BRPF1: variants seen among roughly 807,000 people sequenced by gnomAD.
BRPF1 encodes the protein bromodomain and PHD finger containing 1.
Under a neutral mutation model 115.0 loss-of-function variants are expected in BRPF1, and 15 were observed. That is an observed-to-expected ratio of 0.13 (90% CI 0.09 to 0.20). The LOEUF (loss-of-function observed/expected upper bound fraction) is 0.20, where lower values mean the gene tolerates loss of function less well. Ranked by LOEUF, BRPF1 falls within the 10% of genes least tolerant of loss-of-function variation. The probability of loss-of-function intolerance (pLI) is 1.00; values close to 1 mark genes in which losing one functional copy is unlikely to be tolerated. For synonymous variants in BRPF1, 647 were observed against 619.8 expected, an observed-to-expected ratio of 1.04 and a Z score of -0.65; for missense variants, 1,118 against 1,638.3, an observed-to-expected ratio of 0.68 and a Z score of 5.48.
intron 6 of BRPF1, 36 bp from the exon 7 acceptor site, chr3:9,742,908 A>T: frequency 6.3e-7 from 1 of 1,594,322 alleles, no homozygotes; most frequent in Non-Finnish European, 8.6e-7. Context: ...TAAGGAGGAT[A>T]TCTCCACTTA....
Position 9,734,050 on chromosome 3 carries a change from G to A in BRPF1, c.-10-81G>A. 2.6e-6 allele frequency: 4 copies of A among 1,510,902 alleles called. No homozygotes were observed. The highest frequency in any genetic ancestry group is 3.5e-6 in the Non-Finnish European group (4 of 1,135,114). The allele number at this position is 1,510,902 out of a possible 1,614,324, so 93.6% of individuals were successfully genotyped here. On this transcript the variant is annotated intron_variant, in intron 1 of 13. Transcript: ENST00000383829. The surrounding 1 kb of genome is among the most constrained non-coding windows in gnomAD (Gnocchi z 5.7). Reference sequence around the variant, plus strand: ...ATCTGGTGACTCCAAGTGAGGGGGAGGGCTAGAAAGACTGGGGTCTCTGGT... The same window carrying A: ...ATCTGGTGACTCCAAGTGAGGGGGAAGGCTAGAAAGACTGGGGTCTCTGGT...
Position 9,741,281 on chromosome 3 carries a change from C to T in BRPF1, c.1723-27C>T, listed in dbSNP as rs1489469863. On this transcript the variant is annotated intron_variant, in intron 4 of 13. Coordinates refer to ENST00000383829, the MANE Select transcript of BRPF1 (RefSeq NM_001003694.2). ...ACCTTTCCTCTGGCTTTCTAATCAT[C>T]CTCTGATCTTCGTTTTGCCTCTACA... 10 of 1,543,006 alleles carry T rather than the reference C, an allele frequency of 6.5e-6. No individual in the cohort carries two copies. The East Asian group carries it at 1.1e-4, about 18-fold the overall frequency.
chr3:9,739,709 G>T lies in BRPF1; in HGVS notation c.1310G>T (p.Ser437Ile). Reference protein sequence around the residue: ...RETGANGTSFSVRKTAYCDIH... With the variant: ...RETGANGTSFIVRKTAYCDIH... ...ACAGGCGCCAACGGCACCTCTTTCA[G>T]TGTCCGCAAGACAGCCTACTGCGAC... The change falls in exon 3 of 14, where the codon AGT (serine) becomes ATT (isoleucine). Residue 437 changes from serine to isoleucine, a missense_variant. This residue lies in a region of BRPF1 where 87 missense variants were observed against 93.4 expected (regional missense o/e 0.93). Transcript: ENST00000383829. The T allele has an allele frequency of 6.2e-7, 1 of 1,613,636 alleles. No homozygotes were observed. The highest frequency in any genetic ancestry group is 8.5e-7 in the Non-Finnish European group (1 of 1,179,550).
At position 9,739,439 on chromosome 3, in the gene BRPF1, G is replaced by A. The variant is rs149733062; in HGVS notation, c.1040G>A (p.Arg347His). 20 of 1,613,994 alleles carry A rather than the reference G, an allele frequency of 1.2e-5. No homozygotes were observed. Among genetic ancestry groups the A allele is most frequent in the East Asian group, 1.1e-4 (5 of 44,892 alleles). Residue 347 changes from arginine to histidine, a missense_variant, in exon 3 of 14, where the codon CGC becomes CAC. Arg to His is a conservative substitution (Grantham distance 29, BLOSUM62 0). This residue lies in a region of BRPF1 where 64 missense variants were observed against 172.8 expected (regional missense o/e 0.37). Coordinates refer to ENST00000383829, the MANE Select transcript of BRPF1 (RefSeq NM_001003694.2). ...GCCTTCAAGCAGACAGATGACGGGC[G>A]CTGGGCCCATGTGGTGTGTGCCTTG... ...GGAFKQTDDGRWAHVVCALWI... is the reference protein window; with the variant it reads ...GGAFKQTDDGHWAHVVCALWI...
chr3:9,745,037 A>G lies in BRPF1; in HGVS notation c.2950A>G (p.Asn984Asp). ...DLPANGFSGGNQPVKKSFLVY... is the reference protein window; with the variant it reads ...DLPANGFSGGDQPVKKSFLVY... Reference sequence around the variant, plus strand: ...ACCAGCCAATGGCTTCAGCGGTGGAAACCAACCAGTGAAGAAGAGTTTCTT... The same window carrying G: ...ACCAGCCAATGGCTTCAGCGGTGGAGACCAACCAGTGAAGAAGAGTTTCTT... Residue 984 changes from asparagine to aspartate, a missense_variant, in exon 10 of 14, where the codon AAC becomes GAC. By Grantham distance (23) the Asn-to-Asp change is conservative. Around this residue, in one of 10 missense-constraint regions of BRPF1, gnomAD observed 15 missense variants for 43.7 expected, o/e 0.34. Coordinates refer to ENST00000383829, the MANE Select transcript of BRPF1 (RefSeq NM_001003694.2). The surrounding 1 kb of genome is among the most constrained non-coding windows in gnomAD (Gnocchi z 5.1). 2 of 1,614,230 alleles carry G rather than the reference A, an allele frequency of 1.2e-6. No individual in the cohort carries two copies. The highest frequency in any genetic ancestry group is 1.7e-6 in the Non-Finnish European group (2 of 1,180,028).
chr3:9,741,903 G>A, intron 5 of BRPF1, 122 bp from the exon 6 acceptor site: 1 of 1,131,722 alleles, frequency 8.8e-7, no homozygotes, highest in Non-Finnish European at 1.3e-6. Flanking sequence ...ACCTGTATGA[G>A]TACACCCAGC....
chr3:9,744,421 C>T lies in BRPF1; in HGVS notation c.2833C>T (p.Leu945=), dbSNP rs2077086851. 2 of 1,611,908 alleles carry T rather than the reference C, an allele frequency of 1.2e-6. No individual in the cohort carries two copies. The highest frequency in any genetic ancestry group is 2.2e-5 in the South Asian group (2 of 90,794). Residue 945 remains leucine (L), a synonymous_variant, in exon 9 of 14, where the codon CTG becomes TTG. Transcript: ENST00000383829. ...GPPQLPIMSS[L]RQRKRGRSPR... ...CCCCCAGCTCCCCATCATGAGTTCC[C>T]TGCGTCAGCGCAAGCGGGGTAGGAG...
chr3:9,739,371 C>T lies in BRPF1; in HGVS notation c.972C>T (p.Pro324=), dbSNP rs762593544. The change falls in exon 3 of 14, where the codon CCC becomes CCT. Residue 324 remains proline, a synonymous_variant. Transcript: ENST00000383829. Reference sequence around the variant, plus strand: ...TGTGCCGCCGTTGCCTGCAGTCACCCTCTCGTGCTGTGGATTGTGCCCTGT... The same window carrying T: ...TGTGCCGCCGTTGCCTGCAGTCACCTTCTCGTGCTGTGGATTGTGCCCTGT... ...QWLCRRCLQS[P]SRAVDCALCP... is the part of the protein sequence containing the mutation. 1.9e-6 allele frequency: 3 copies of T among 1,614,080 alleles called. No homozygotes were observed. Among genetic ancestry groups the T allele is most frequent in the Non-Finnish European group, 2.5e-6 (3 of 1,180,052 alleles).
rs1336255723 is a variant in BRPF1, at chr3:9,739,827, G to A, written c.1428G>A (p.Lys476=). 6.2e-6 allele frequency: 10 copies of A among 1,603,916 alleles called. No individual in the cohort carries two copies. In the East Asian group the frequency reaches 2.0e-4, roughly 33 times the overall value. The change falls in exon 3 of 14, where the codon AAG becomes AAA. Residue 476 remains lysine (K), a synonymous_variant. Coordinates refer to ENST00000383829, the MANE Select transcript of BRPF1 (RefSeq NM_001003694.2). ...EDEDEEEDEG[K]GWSSEKVKKA... The stretch of plus-strand genomic sequence containing the variant: ...AAGATGAGGAGGAGGATGAGGGTAA[G>A]GGCTGGAGCTCAGAGAAAGTCAAGA...
chr3:9,739,660 A>G lies in BRPF1; in HGVS notation c.1261A>G (p.Met421Val). The change falls in exon 3 of 14, where the codon ATG becomes GTG. Residue 421 changes from methionine (M) to valine (V), a missense_variant. Coordinates refer to ENST00000383829, the MANE Select transcript of BRPF1 (RefSeq NM_001003694.2). ...ATGCGCCCAGCAGGCTGGCCTTTAC[A>G]TGAAGATGGAGCCTGTGCGGGAGAC... The part of the protein sequence containing the change: ...VTCAQQAGLY[M>V]KMEPVRETGA... 1 of 1,612,120 alleles carries G rather than the reference A, an allele frequency of 6.2e-7. No individual in the cohort carries two copies. Among genetic ancestry groups the G allele is most frequent in the Non-Finnish European group, 8.5e-7 (1 of 1,178,258 alleles).
At position 9,739,048 on chromosome 3, in the gene BRPF1, A is replaced by G. The variant is rs751901955; in HGVS notation, c.649A>G (p.Met217Val). 6.2e-7 allele frequency: 1 copy of G among 1,606,478 alleles called. No individual in the cohort carries two copies. The highest frequency in any genetic ancestry group is 1.1e-5 in the South Asian group (1 of 90,320). The change falls in exon 3 of 14, where the codon ATG becomes GTG. Residue 217 changes from methionine (M) to valine (V), a missense_variant. Transcript: ENST00000383829. Reference sequence around the variant, plus strand: ...GCTGGACGAGGAAGTAGAGTATGACATGGACGAGGAGGACTACATCTGGCT... The same window carrying G: ...GCTGGACGAGGAAGTAGAGTATGACGTGGACGAGGAGGACTACATCTGGCT... Reference protein sequence around the residue: ...EELDEEVEYDMDEEDYIWLDI... With the variant: ...EELDEEVEYDVDEEDYIWLDI...
In BRPF1 at chr3:9,734,297, C is replaced by T; in HGVS notation, c.157C>T (p.Pro53Ser). Reference sequence around the variant, plus strand: ...CTATGACCACGACAACCCACCACCCCCACAACAAACTCCACTCCGCAAGCA... The same window carrying T: ...CTATGACCACGACAACCCACCACCCTCACAACAAACTCCACTCCGCAAGCA... The part of the protein sequence containing the change: ...YHYDHDNPPP[P>S]QQTPLRKHKK... Residue 53 changes from proline to serine, a missense_variant, in exon 2 of 14, where the codon CCA (proline) becomes TCA (serine). Pro to Ser is a moderately conservative substitution (Grantham distance 74). This residue lies in a region of BRPF1 where 280 missense variants were observed against 382.8 expected (regional missense o/e 0.73). Transcript: ENST00000383829. The surrounding 1 kb of genome is among the most constrained non-coding windows in gnomAD (Gnocchi z 5.7). The T allele has an allele frequency of 6.2e-7, 1 of 1,614,130 alleles. No individual in the cohort carries two copies.
chr3:9,741,395 C>T lies in BRPF1; in HGVS notation c.1810C>T (p.Leu604Phe). The change falls in exon 5 of 14, where the codon CTC becomes TTC. Residue 604 changes from leucine (L) to phenylalanine (F), a missense_variant. This residue lies in a region of BRPF1 where 178 missense variants were observed against 303.7 expected (regional missense o/e 0.59). Coordinates refer to ENST00000383829, the MANE Select transcript of BRPF1 (RefSeq NM_001003694.2). ...GCATGACTTGGAGCGAGCTCGGCTG[C>T]TCGTGGAATTGATCCGCAAGCGGGA... The part of the protein sequence containing the change: ...LRHDLERARL[L>F]VELIRKREKL... 1 of 1,607,746 alleles carries T rather than the reference C, an allele frequency of 6.2e-7. No homozygotes were observed. Among genetic ancestry groups the T allele is most frequent in the Non-Finnish European group, 8.5e-7 (1 of 1,175,608 alleles).
rs777096492 is a variant in BRPF1 at position 9,739,355 on chromosome 3, G to A, written c.956G>A (p.Arg319His). ...YIPEGQWLCRRCLQSPSRAVD... is the reference protein window; with the variant it reads ...YIPEGQWLCRHCLQSPSRAVD... ...CCTGAGGGCCAGTGGCTGTGCCGCC[G>A]TTGCCTGCAGTCACCCTCTCGTGCT... is the stretch of plus-strand genomic sequence containing the variant. The change falls in exon 3 of 14, where the codon CGT becomes CAT. Residue 319 changes from arginine (R) to histidine (H), a missense_variant. Around this residue, in one of 10 missense-constraint regions of BRPF1, gnomAD observed 64 missense variants for 172.8 expected, o/e 0.37. Coordinates refer to ENST00000383829, the MANE Select transcript of BRPF1 (RefSeq NM_001003694.2). 12 of 1,614,042 alleles carry A rather than the reference G, an allele frequency of 7.4e-6. No homozygotes were observed. The highest frequency in any genetic ancestry group is 1.6e-4 in the Middle Eastern group (1 of 6,084).
chr3:9,743,410 GT>G lies in BRPF1; in HGVS notation c.2311+158del. The G allele has an allele frequency of 1.6e-6, 2 of 1,225,432 alleles. No individual in the cohort carries two copies. The highest frequency in any genetic ancestry group is 5.1e-5 in the East Asian group (2 of 39,514). The allele number at this position is 1,225,432 out of a possible 1,614,324, so 75.9% of individuals were successfully genotyped here. A position where few individuals can be genotyped will look rare whatever the true frequency, so the allele number is the denominator to read the frequency against. ...AATGCTCCCCAAGAAGCCAGACTGG[GT>G]GAATGGATAGCAGTGCCCGCCATTC... On this transcript the variant is annotated intron_variant, in intron 7 of 13. Transcript: ENST00000383829. The surrounding 1 kb of genome is among the most constrained non-coding windows in gnomAD (Gnocchi z 6.1).
chr3:9,743,727 G>A lies in BRPF1; in HGVS notation c.2461G>A (p.Glu821Lys). 6.2e-7 allele frequency: 1 copy of A among 1,614,202 alleles called. No individual in the cohort carries two copies. Among genetic ancestry groups the A allele is most frequent in the South Asian group, 1.1e-5 (1 of 91,090 alleles). The change falls in exon 8 of 14, where the codon GAG (glutamate) becomes AAG (lysine). Residue 821 changes from glutamate (E) to lysine (K), a missense_variant. Glu to Lys is a moderately conservative substitution (Grantham distance 56, BLOSUM62 1). This residue lies in a region of BRPF1 where 223 missense variants were observed against 240.7 expected (regional missense o/e 0.93). Coordinates refer to ENST00000383829, the MANE Select transcript of BRPF1 (RefSeq NM_001003694.2). The surrounding 1 kb of genome is among the most constrained non-coding windows in gnomAD (Gnocchi z 6.1). ...RSRRAKMIKK[E>K]MTALRRKLAH... is the part of the protein sequence containing the mutation. ...ACGGCGTGCAAAGATGATCAAGAAA[G>A]AGATGACGGCACTGCGGCGGAAGCT... is the stretch of plus-strand genomic sequence containing the variant.
At position 9,739,868 on chromosome 3, in the gene BRPF1, C is replaced by A; in HGVS notation, c.1469C>A (p.Ser490Tyr). ...AAAGTCAAGAAGGCCAAGGCCAAGT[C>A]CCGGATCAAAATGAAGAAGGCACGG... ...SEKVKKAKAK[S>Y]RIKMKKARKI... Residue 490 changes from serine (S) to tyrosine (Y), a missense_variant, in exon 3 of 14, where the codon TCC (serine) becomes TAC (tyrosine). Ser to Tyr is a moderately radical substitution (Grantham distance 144, BLOSUM62 -2). This residue lies in a region of BRPF1 where 178 missense variants were observed against 303.7 expected (regional missense o/e 0.59). Coordinates refer to ENST00000383829, the MANE Select transcript of BRPF1 (RefSeq NM_001003694.2). 1 of 1,585,266 alleles carries A rather than the reference C, an allele frequency of 6.3e-7. No individual in the cohort carries two copies. Among genetic ancestry groups the A allele is most frequent in the Non-Finnish European group, 8.6e-7 (1 of 1,165,738 alleles).
At position 9,740,395 on chromosome 3, in the gene BRPF1, G is replaced by A. The variant is rs544445223; in HGVS notation, c.1560-384G>A. ...GGGATTTTTTTAGTTCTCTTGTGCC[G>A]TTTATTTGATTTACTATATATTTCT... is the stretch of plus-strand genomic sequence containing the variant. On this transcript the variant is annotated intron_variant, in intron 3 of 13. Coordinates refer to ENST00000383829, the MANE Select transcript of BRPF1 (RefSeq NM_001003694.2). Among the ~76,000 whole-genome samples the A allele has an allele frequency of 7.9e-5, 12 of 152,286 alleles. No homozygotes were observed. In the East Asian group the frequency reaches 9.6e-4, roughly 12 times the overall value.
At chr3:9,732,841 C>T (rs376198720) in intron 1 of BRPF1, among the ~76,000 whole-genome samples, 3 of 152,240 alleles carry the variant, frequency 2.0e-5, no homozygotes, top group African/African-American at 7.2e-5. Flanking sequence ...CATGATAGCC[C>T]TGCCTGGCTG....
Sources: allele counts gnomAD v4.1 joint callset (sites outside exome capture counted in the v4.1 genomes callset), GRCh38; gene constraint gnomAD v4.1.1; regional missense constraint gnomAD v4.1.1; non-coding constraint Gnocchi (gnomAD v3.1); transcripts MANE v1.5; gene names NCBI Gene and HGNC (gene_info 2026-07-23, HGNC 2026-07-21).